ALDH4A1: variants seen among roughly 807,000 people sequenced by gnomAD.
ALDH4A1 encodes delta-1-pyrroline-5-carboxylate dehydrogenase, mitochondrial.
In ALDH4A1, 46 loss-of-function variants were observed where a neutral mutation model predicts 70.5. The ratio of observed to expected loss-of-function variants is 0.65; its 90% CI spans 0.51 to 0.83. ALDH4A1 has a LOEUF of 0.83. Ranked by LOEUF, ALDH4A1 falls within the 40% of genes least tolerant of loss-of-function variation. The pLI is 0.00. For missense variants in ALDH4A1, 749 were observed against 766.5 expected, an observed-to-expected ratio of 0.98 and a Z score of 0.27; for synonymous variants, 323 against 324.3, an observed-to-expected ratio of 1.00 and a Z score of 0.04.
intron 1 of ALDH4A1, among the ~76,000 whole-genome samples, chr1:18,895,166 CA>C (rs1156993220): frequency 6.6e-6 from 1 of 152,212 alleles, no homozygotes; most frequent in East Asian, 1.9e-4. Context: ...CTCTGGGAGG[CA>C]GATATGGATC....
In ALDH4A1 at chr1:18,896,439, G is replaced by C. The variant is rs925827764; in HGVS notation, c.62+6023C>G. The stretch of plus-strand genomic sequence containing the variant: ...AAGGTGAGGGGTGGCCAAGGACAAG[G>C]AGAGGAGAAATAGAAAGGAAATTAT... On this transcript the variant is annotated intron_variant, in intron 1 of 14. Transcript: ENST00000375341. Among the ~76,000 whole-genome samples, 5 of 152,214 alleles carry C rather than the reference G, an allele frequency of 3.3e-5. No homozygotes were observed. In the East Asian group the frequency reaches 9.6e-4, roughly 29 times the overall value.
intron 1 of ALDH4A1, among the ~76,000 whole-genome samples, chr1:18,896,875 A>G (rs925552236): frequency 5.3e-5 from 8 of 152,088 alleles, no homozygotes; most frequent in African/African-American, 1.7e-4. Flanking sequence ...CCTGGGCAAC[A>G]GAGTGAGACG....
intron 8 of ALDH4A1, 66 bp from the exon 9 acceptor site, chr1:18,879,439 A>G: frequency 7.0e-7 from 1 of 1,434,022 alleles, no homozygotes; most frequent in South Asian, 1.2e-5. Context: ...GGAAAAGCCC[A>G]GGGAGGAGCA....
At chr1:18,894,865 C>CTTTTTTTT (rs34445898) in intron 1 of ALDH4A1, among the ~76,000 whole-genome samples, 286 of 109,766 alleles carry the variant, frequency 2.6e-3, no homozygotes, top group Middle Eastern at 5.2e-3. Context: ...TTCTTTCTTT[C>CTTTTTTTT]TTTTTTTTTT....
intron 8 of ALDH4A1, 80 bp from the exon 9 acceptor site, chr1:18,879,453 C>T: frequency 1.6e-6 from 2 of 1,281,830 alleles, no homozygotes; most frequent in Non-Finnish European, 2.2e-6. Flanking sequence ...AGGAGCATTG[C>T]CGGGGGCAGC....
rs1462358786 is a variant in ALDH4A1, at chr1:18,898,447, C to T, written c.62+4015G>A. On this transcript the variant is annotated intron_variant, in intron 1 of 14. Coordinates refer to ENST00000375341, the MANE Select transcript of ALDH4A1 (RefSeq NM_003748.4). This position sits in a 1 kb window ranked among gnomAD's most constrained non-coding sequence, Gnocchi z 4.3. ...CCATACCTCCCCTCCTGCCACCATC[C>T]TTCACTGCTGGGCCCTGCTGTCTTG... Among the ~76,000 whole-genome samples the T allele has an allele frequency of 6.6e-6, 1 of 152,210 alleles. No individual in the cohort carries two copies. Among genetic ancestry groups the T allele is most frequent in the Non-Finnish European group, 1.5e-5 (1 of 68,040 alleles).
chr1:18,876,581 C>T, intron 11 of ALDH4A1, 114 bp from the exon 12 acceptor site: 1 of 1,264,206 alleles, frequency 7.9e-7, no homozygotes, highest in Non-Finnish European at 1.1e-6. Context: ...ACTCCTGAAA[C>T]AGGGGCAGGG....
Position 18,883,159 on chromosome 1 carries a change from T to A in ALDH4A1, c.643A>T (p.Ile215Phe). ...AAISPFNFTA[I>F]GGNLAGAPAL... Reference sequence around the variant, plus strand: ...GGTGCCCCCGCCAGGTTGCCGCCGATTGCAGTGAAGTTAAAGGGCGAGATG... The same window carrying A: ...GGTGCCCCCGCCAGGTTGCCGCCGAATGCAGTGAAGTTAAAGGGCGAGATG... The change falls in exon 7 of 15, where the codon ATC becomes TTC. Residue 215 changes from isoleucine to phenylalanine, a missense_variant. Transcript: ENST00000375341. 6.2e-7 allele frequency: 1 copy of A among 1,613,128 alleles called. No individual in the cohort carries two copies. The highest frequency in any genetic ancestry group is 8.5e-7 in the Non-Finnish European group (1 of 1,180,030).
chr1:18,891,300 C>T (rs949994932), intron 1 of ALDH4A1, among the ~76,000 whole-genome samples: 1 of 152,192 alleles, frequency 6.6e-6, no homozygotes, highest in Non-Finnish European at 1.5e-5. Context: ...TGGCATAGGA[C>T]GGGCCTCACC....
chr1:18,873,026 G>T, intron 14 of ALDH4A1, 69 bp from the exon 15 acceptor site: 1 of 1,355,554 alleles, frequency 7.4e-7, no homozygotes, highest in Non-Finnish European at 1.0e-6. Flanking sequence ...GAAGGGAGGA[G>T]ATGATGGAAT....
In ALDH4A1 at chr1:18,883,189, C is replaced by A; in HGVS notation, c.613G>T (p.Ala205Ser). 1 of 1,613,206 alleles carries A rather than the reference C, an allele frequency of 6.2e-7. No individual in the cohort carries two copies. The highest frequency in any genetic ancestry group is 1.1e-5 in the South Asian group (1 of 91,092). ...GTGAAGTTAAAGGGCGAGATGGCCGCCACGAAGCCCTGGGGAAGGAGGCAG... is the reference window on the plus strand; with the variant it reads ...GTGAAGTTAAAGGGCGAGATGGCCGACACGAAGCCCTGGGGAAGGAGGCAG... ...TVYRGLEGFVAAISPFNFTAI... is the reference protein window; with the variant it reads ...TVYRGLEGFVSAISPFNFTAI... Residue 205 changes from alanine to serine, a missense_variant, in exon 7 of 15, where the codon GCG becomes TCG. By Grantham distance (99) the Ala-to-Ser change is moderately conservative. Coordinates refer to ENST00000375341, the MANE Select transcript of ALDH4A1 (RefSeq NM_003748.4).
chr1:18,889,256 A>G, intron 3 of ALDH4A1, 106 bp downstream of exon 3: 2 of 1,044,616 alleles, frequency 1.9e-6, no homozygotes, highest in Non-Finnish European at 2.9e-6. Context: ...GGGGCACTAT[A>G]AAGGCCTTGA....
chr1:18,897,303 G>A (rs920573180), intron 1 of ALDH4A1, among the ~76,000 whole-genome samples: 1 of 152,200 alleles, frequency 6.6e-6, no homozygotes, highest in Non-Finnish European at 1.5e-5. Context: ...AGCGCTTTGG[G>A]AGGCGGAAGA....
intron 1 of ALDH4A1, among the ~76,000 whole-genome samples, chr1:18,899,012 G>T (rs1407482254): frequency 6.6e-6 from 1 of 152,236 alleles, no homozygotes; most frequent in Admixed American, 6.5e-5. Flanking sequence ...CTACGTGGCT[G>T]TTAATACAAT....
chr1:18,889,348 C>T lies in ALDH4A1; in HGVS notation c.249+14G>A. On this transcript the variant is annotated intron_variant, in intron 3 of 14. Transcript: ENST00000375341. ...CAGGGGAGGGGCTGAGCTCTGCCCA[C>T]CCGCTGGACATACCGACACTTGGTA... 1.3e-6 allele frequency: 2 copies of T among 1,550,436 alleles called. No homozygotes were observed. The highest frequency in any genetic ancestry group is 1.7e-6 in the Non-Finnish European group (2 of 1,145,796).
chr1:18,883,970 T>C (rs1410590487), intron 5 of ALDH4A1, among the ~76,000 whole-genome samples: 5 of 152,180 alleles, frequency 3.3e-5, no homozygotes, highest in Admixed American at 3.3e-4. Flanking sequence ...CAATTCTTAA[T>C]AACAGCAAAT....
At chr1:18,877,640 C>A (rs757671701) in intron 9 of ALDH4A1, 28 bp from the exon 10 acceptor site, 10 of 1,440,560 alleles carry the variant, frequency 6.9e-6, no homozygotes, top group East Asian at 4.6e-5. Flanking sequence ...GGGGAAATGA[C>A]CAGAGGAGCT....
At chr1:18,884,653 T>C (rs1013802009) in intron 5 of ALDH4A1, among the ~76,000 whole-genome samples, 2 of 152,096 alleles carry the variant, frequency 1.3e-5, no homozygotes, top group Non-Finnish European at 2.9e-5. Flanking sequence ...TGTCAAGACA[T>C]GTTTACTATG....
intron 5 of ALDH4A1, 122 bp from the exon 6 acceptor site, chr1:18,883,550 T>G: frequency 7.2e-7 from 1 of 1,388,928 alleles, no homozygotes; most frequent in South Asian, 1.2e-5. Context: ...CAGGAAACAT[T>G]TGGAGGGCTC....
Sources: gnomAD v4.1 joint callset for allele counts (sites outside exome capture counted in the v4.1 genomes callset) on GRCh38, gnomAD v4.1.1 for gene constraint, Gnocchi (gnomAD v3.1) non-coding constraint, MANE v1.5 for transcripts, NCBI Gene and HGNC (gene_info 2026-07-23, HGNC 2026-07-21) for gene names.